The following VPS41 variants were observed in gnomAD, a reference collection of about 807,000 sequenced individuals.
VPS41 encodes the protein VPS41 subunit of HOPS complex.
Under a neutral mutation model 130.9 loss-of-function variants are expected in VPS41, and 85 were observed. The observed-to-expected ratio is 0.65, with a 90% CI of 0.55 to 0.78. The LOEUF is 0.78. VPS41 is among the 30% of genes least tolerant of loss of function. The probability of loss-of-function intolerance (pLI) is 0.00; values close to 1 mark genes in which losing one functional copy is unlikely to be tolerated. For missense variants in VPS41, 874 were observed against 1,018.7 expected, an observed-to-expected ratio of 0.86 and a Z score of 1.93; for synonymous variants, 335 against 332.9, an observed-to-expected ratio of 1.01 and a Z score of -0.07.
At chr7:38,777,853 C>T (rs1242579321) in intron 10 of VPS41, among the ~76,000 whole-genome samples, 1 of 152,180 alleles carries the variant, frequency 6.6e-6, no homozygotes, top group Non-Finnish European at 1.5e-5. Flanking sequence ...TGAACTTGAA[C>T]AAGTCATTTT....
intron 3 of VPS41, among the ~76,000 whole-genome samples, chr7:38,867,550 A>T (rs542110679): frequency 3.3e-5 from 5 of 152,112 alleles, no homozygotes; most frequent in Middle Eastern, 3.4e-3. Context: ...CATCTCAAAA[A>T]AAAAAAATAA....
intron 2 of VPS41, among the ~76,000 whole-genome samples, chr7:38,880,054 T>C (rs1286849154): frequency 6.6e-6 from 1 of 152,192 alleles, no homozygotes; most frequent in Non-Finnish European, 1.5e-5. Context: ...CCTTGCCTTT[T>C]GTGAAAAGGA....
At chr7:38,798,712 T>C (rs1198569656) in intron 7 of VPS41, among the ~76,000 whole-genome samples, 1 of 152,182 alleles carries the variant, frequency 6.6e-6, no homozygotes, top group African/African-American at 2.4e-5. Context: ...AATAATCACC[T>C]GCTGGAATGA....
intron 5 of VPS41, among the ~76,000 whole-genome samples, chr7:38,824,663 C>T (rs1584413777): frequency 3.3e-5 from 5 of 152,128 alleles, no homozygotes; most frequent in Admixed American, 2.6e-4. Context: ...AACAAAAAAA[C>T]ATTCAAAAGC....
At chr7:38,805,510 C>A (rs537168636) in intron 7 of VPS41, among the ~76,000 whole-genome samples, 70 of 149,140 alleles carry the variant, frequency 4.7e-4, no homozygotes, top group Non-Finnish European at 8.6e-4. Context: ...TCCAGCCTGG[C>A]AACAGAGTGA....
chr7:38,769,025 T>C (rs1207514242), intron 14 of VPS41, among the ~76,000 whole-genome samples: 1 of 152,124 alleles, frequency 6.6e-6, no homozygotes, highest in Non-Finnish European at 1.5e-5. Context: ...TCCTATTCAC[T>C]TTTCACTCCC....
At chr7:38,789,020 T>G (rs1172470152) in intron 10 of VPS41, among the ~76,000 whole-genome samples, 1 of 152,200 alleles carries the variant, frequency 6.6e-6, no homozygotes, top group African/African-American at 2.4e-5. Flanking sequence ...ACTCATAATA[T>G]GGCAATTTTT....
Position 38,776,641 on chromosome 7 carries a change from C to A in VPS41, c.882+38G>T, listed in dbSNP as rs1396472542. On this transcript the variant is annotated intron_variant, in intron 11 of 28. Transcript: ENST00000310301. ...ATCTGGGTGTAATGCTAAAAGTGAA[C>A]CCCCACATGCCTTTGTATCTGGGGA... is the stretch of plus-strand genomic sequence containing the variant. The A allele has an allele frequency of 2.3e-5, 27 of 1,168,500 alleles. 1 individual carries two copies. The highest frequency in any genetic ancestry group is 1.7e-4 in the South Asian group (14 of 80,288). The allele number at this position is 1,168,500 out of a possible 1,614,324, so 72.4% of individuals were successfully genotyped here. A position where few individuals can be genotyped will look rare whatever the true frequency, so the allele number is the denominator to read the frequency against.
At chr7:38,727,161 G>T in intron 27 of VPS41, 173 bp from the exon 28 acceptor site, 1 of 497,076 alleles carries the variant, frequency 2.0e-6, no homozygotes, top group Non-Finnish European at 3.4e-6. Flanking sequence ...ACACAAAACA[G>T]GTATTATAAT....
At chr7:38,908,333 C>T (rs113636959) in intron 1 of VPS41, among the ~76,000 whole-genome samples, 5 of 152,210 alleles carry the variant, frequency 3.3e-5, no homozygotes, top group African/African-American at 9.6e-5. Flanking sequence ...TTTTATTTTA[C>T]TTCGTCATTT....
intron 14 of VPS41, 52 bp downstream of exon 14, chr7:38,771,146 A>G (rs1784145434): frequency 2.3e-6 from 3 of 1,311,850 alleles, no homozygotes; most frequent in African/African-American, 1.5e-5. Flanking sequence ...CAGTCTCACT[A>G]TAACTTATTG....
intron 4 of VPS41, among the ~76,000 whole-genome samples, chr7:38,851,927 A>T (rs1336989311): frequency 6.6e-6 from 1 of 152,194 alleles, no homozygotes; most frequent in African/African-American, 2.4e-5. Flanking sequence ...AATTAAACTT[A>T]AAAAAAGCTA....
intron 5 of VPS41, among the ~76,000 whole-genome samples, chr7:38,826,675 G>C (rs1050507384): frequency 6.6e-6 from 1 of 152,056 alleles, no homozygotes; most frequent in Non-Finnish European, 1.5e-5. Flanking sequence ...AATGGGCTGA[G>C]GTAGAGAGAG....
intron 4 of VPS41, among the ~76,000 whole-genome samples, chr7:38,853,686 C>T (rs1158480808): frequency 2.0e-5 from 3 of 152,196 alleles, no homozygotes; most frequent in Non-Finnish European, 4.4e-5. Flanking sequence ...AATCCAAAGG[C>T]TTCAGACAAC....
intron 3 of VPS41, among the ~76,000 whole-genome samples, chr7:38,864,340 C>T (rs1029606845): frequency 1.3e-5 from 2 of 152,086 alleles, no homozygotes; most frequent in Non-Finnish European, 2.9e-5. Context: ...CTAAATTTCT[C>T]ATTTCATTCA....
intron 10 of VPS41, among the ~76,000 whole-genome samples, chr7:38,777,141 A>AT (rs1784274544): frequency 6.6e-6 from 1 of 152,218 alleles, no homozygotes; most frequent in Non-Finnish European, 1.5e-5. Flanking sequence ...AACAGTAATA[A>AT]TTTTTTAAAA....
At chr7:38,841,772 T>C (rs999938095) in intron 4 of VPS41, among the ~76,000 whole-genome samples, 3 of 152,150 alleles carry the variant, frequency 2.0e-5, no homozygotes, top group Non-Finnish European at 2.9e-5. Context: ...CCCAGCTAAT[T>C]GTTGTATTTT....
chr7:38,801,583 T>C (rs1373404343), intron 7 of VPS41, among the ~76,000 whole-genome samples: 1 of 152,210 alleles, frequency 6.6e-6, no homozygotes, highest in Non-Finnish European at 1.5e-5. Flanking sequence ...GAGAATTCTT[T>C]TGTAAGTCAA....
At chr7:38,900,467 C>A (rs1365906485) in intron 1 of VPS41, among the ~76,000 whole-genome samples, 3 of 151,964 alleles carry the variant, frequency 2.0e-5, no homozygotes, top group Non-Finnish European at 4.4e-5. Context: ...GACAGTGACA[C>A]TAAAATCCCA....
Sources: allele counts gnomAD v4.1 joint callset (sites outside exome capture counted in the v4.1 genomes callset), GRCh38; gene constraint gnomAD v4.1.1; transcripts MANE v1.5; gene names NCBI Gene and HGNC (gene_info 2026-07-23, HGNC 2026-07-21).